Variants in MNAT1 observed in about 807,000 individuals in gnomAD.
MNAT1 encodes the protein MNAT1 component of CDK activating kinase, also known as CDK-activating kinase assembly factor MAT1.
MNAT1 carries 43 observed loss-of-function variants against 42.0 expected under a neutral mutation model. The observed-to-expected ratio is 1.02, with a 90% confidence interval of 0.80 to 1.32. The LOEUF (loss-of-function observed/expected upper bound fraction) is 1.32. Among genes scored for constraint, MNAT1 ranks in the 40% most tolerant of loss-of-function variants. The pLI, the probability that MNAT1 is intolerant of heterozygous loss-of-function variation, is 0.00. For missense variants in MNAT1, 306 were observed against 350.4 expected (o/e 0.87, Z 1.01); for synonymous variants, 118 against 120.0 (o/e 0.98, Z 0.11).
intron 1 of MNAT1, among the ~76,000 whole-genome samples, chr14:60,784,928 C>T (rs912426029): frequency 2.0e-5 from 3 of 152,052 alleles, no homozygotes; most frequent in African/African-American, 7.3e-5. Context: ...TCTCAGCTCA[C>T]TGCAACCTCT....
At chr14:60,879,414 T>A (rs1242109372) in intron 6 of MNAT1, among the ~76,000 whole-genome samples, 1 of 152,214 alleles carries the variant, frequency 6.6e-6, no homozygotes. Flanking sequence ...TTTCATAAAC[T>A]TTTTGAAGTC....
intron 3 of MNAT1, chr14:60,799,384 G>A (rs1436995138): frequency 1.3e-5 from 13 of 985,248 alleles, no homozygotes; most frequent in Non-Finnish European, 1.6e-5. Context: ...AACTGGGCAA[G>A]TATGAAGGTA....
At chr14:60,755,020 G>A (rs2030275936) in intron 1 of MNAT1, among the ~76,000 whole-genome samples, 1 of 151,652 alleles carries the variant, frequency 6.6e-6, no homozygotes, top group African/African-American at 2.4e-5. Context: ...TTTTTCCAGA[G>A]ACAAAATCTC....
chr14:60,833,294 G>T (rs900357033), intron 6 of MNAT1, among the ~76,000 whole-genome samples: 31 of 152,084 alleles, frequency 2.0e-4, no homozygotes, highest in Admixed American at 2.0e-3. Flanking sequence ...TGCCCATTCC[G>T]TATGATATTG....
intron 7 of MNAT1, among the ~76,000 whole-genome samples, chr14:60,892,060 G>T (rs1024355320): frequency 1.3e-5 from 2 of 152,048 alleles, no homozygotes; most frequent in African/African-American, 4.8e-5. Context: ...TTAAATTATG[G>T]CCTAAAATAT....
At chr14:60,915,242 C>T (rs1417582310) in intron 7 of MNAT1, among the ~76,000 whole-genome samples, 1 of 152,136 alleles carries the variant, frequency 6.6e-6, no homozygotes, top group Admixed American at 6.5e-5. Flanking sequence ...TTATAGCTGT[C>T]TCTTGACTTC....
At chr14:60,895,842 A>G (rs1184965021) in intron 7 of MNAT1, among the ~76,000 whole-genome samples, 1 of 152,178 alleles carries the variant, frequency 6.6e-6, no homozygotes, top group Non-Finnish European at 1.5e-5. Context: ...ACTATGTGAC[A>G]TGGTGAAGTT....
chr14:60,803,080 C>T (rs1350930380), intron 3 of MNAT1, among the ~76,000 whole-genome samples: 1 of 151,712 alleles, frequency 6.6e-6, no homozygotes, highest in Non-Finnish European at 1.5e-5. Context: ...TACAGGCGCC[C>T]ACCACCATGC....
At chr14:60,736,739 C>T (rs922208466) in intron 1 of MNAT1, among the ~76,000 whole-genome samples, 7 of 152,062 alleles carry the variant, frequency 4.6e-5, no homozygotes, top group Non-Finnish European at 8.8e-5. Context: ...CTTTGTTAGC[C>T]GTTCTTCTTG....
intron 7 of MNAT1, among the ~76,000 whole-genome samples, chr14:60,935,665 T>C (rs1594889424): frequency 6.6e-6 from 1 of 152,042 alleles, no homozygotes. Context: ...GAATGACAAG[T>C]GATGGAGAAA....
At chr14:60,959,926 T>G (rs1233406556) in intron 7 of MNAT1, among the ~76,000 whole-genome samples, 10 of 150,028 alleles carry the variant, frequency 6.7e-5, no homozygotes, top group African/African-American at 1.7e-4. Context: ...TTATGTTTTT[T>G]TTTTTTTTTT....
At chr14:60,943,544 C>G (rs1396919302) in intron 7 of MNAT1, among the ~76,000 whole-genome samples, 1 of 151,926 alleles carries the variant, frequency 6.6e-6, no homozygotes, top group Admixed American at 6.6e-5. Context: ...TTCATATCAT[C>G]TCGTTAGAGT....
chr14:60,895,086 G>C (rs2034923735), intron 7 of MNAT1, among the ~76,000 whole-genome samples: 1 of 152,046 alleles, frequency 6.6e-6, no homozygotes, highest in Non-Finnish European at 1.5e-5. Context: ...TCTATACAGA[G>C]GACTTTAGTT....
At chr14:60,806,594 C>T (rs2032375607) in intron 3 of MNAT1, among the ~76,000 whole-genome samples, 1 of 152,200 alleles carries the variant, frequency 6.6e-6, no homozygotes, top group African/African-American at 2.4e-5. Context: ...CTTTGGGAGG[C>T]CAACGCGGGT....
intron 7 of MNAT1, among the ~76,000 whole-genome samples, chr14:60,953,943 C>G (rs567359544): frequency 6.6e-6 from 1 of 152,218 alleles, no homozygotes; most frequent in South Asian, 2.1e-4. Context: ...AATGTCTATT[C>G]CAGTCATTTG....
chr14:60,908,476 C>G (rs1032720889), intron 7 of MNAT1, among the ~76,000 whole-genome samples: 2 of 151,870 alleles, frequency 1.3e-5, no homozygotes, highest in East Asian at 1.9e-4. Flanking sequence ...CCCCCAACCC[C>G]CCGACCCCAC....
At chr14:60,805,680 T>C (rs1393601074) in intron 3 of MNAT1, among the ~76,000 whole-genome samples, 1 of 152,232 alleles carries the variant, frequency 6.6e-6, no homozygotes, top group Non-Finnish European at 1.5e-5. Flanking sequence ...TCAGATTGGC[T>C]TCTTTCACTT....
intron 1 of MNAT1, among the ~76,000 whole-genome samples, chr14:60,769,505 A>C (rs2030970555): frequency 6.6e-6 from 1 of 151,310 alleles, no homozygotes; most frequent in African/African-American, 2.4e-5. Flanking sequence ...GCTGATCTTG[A>C]ACTCCTGGGC....
At chr14:60,804,650 C>A (rs1170748872) in intron 3 of MNAT1, among the ~76,000 whole-genome samples, 2 of 152,072 alleles carry the variant, frequency 1.3e-5, no homozygotes, top group East Asian at 3.8e-4. Context: ...CTCTACCTCC[C>A]AAGTAGCTAG....
Sources: allele counts gnomAD v4.1 joint callset (sites outside exome capture counted in the v4.1 genomes callset), GRCh38; gene constraint gnomAD v4.1.1; transcripts MANE v1.5; gene names NCBI Gene and HGNC (gene_info 2026-07-23, HGNC 2026-07-21).